The following IVD variants were observed in gnomAD, a reference collection of about 807,000 sequenced individuals.
IVD encodes isovaleryl-CoA dehydrogenase.
Under a neutral mutation model 51.3 loss-of-function variants are expected in IVD, and 31 were observed. The observed-to-expected ratio is 0.60, with a 90% CI of 0.45 to 0.81. IVD has a LOEUF of 0.81. Ranked by LOEUF, IVD falls within the 40% of genes least tolerant of loss-of-function variation. The pLI is 0.00. For synonymous variants in IVD, 205 were observed against 219.4 expected (o/e 0.93, Z 0.58); for missense variants, 475 against 552.0 (o/e 0.86, Z 1.40).
At position 40,411,680 on chromosome 15, in the gene IVD, A is replaced by C. The variant is rs1239909481; in HGVS notation, c.676A>C (p.Ile226Leu). 1 of 1,614,192 alleles carries C rather than the reference A, an allele frequency of 6.2e-7. No homozygotes were observed. Among genetic ancestry groups the C allele is most frequent in the East Asian group, 2.2e-5 (1 of 44,886 alleles). The change falls in exon 6 of 12, where the codon ATT (isoleucine) becomes CTT (leucine). Residue 226 changes from isoleucine to leucine, a missense_variant. Coordinates refer to ENST00000487418, the MANE Select transcript of IVD (RefSeq NM_002225.5). ...VPASRGITAF[I>L]VEKGMPGFST... ...AGCTTCTCGGGGCATCACAGCCTTCATTGTGGAGAAGGTGAGTATAGGTGG... is the reference window on the plus strand; with the variant it reads ...AGCTTCTCGGGGCATCACAGCCTTCCTTGTGGAGAAGGTGAGTATAGGTGG...
In IVD at chr15:40,418,327, C is replaced by T. The variant is rs538799297; in HGVS notation, c.*64C>T. Reference sequence around the variant, plus strand: ...CCTTTCTTGGGAAGTAGAGATGTGGCGGCTTTCCCACCCTGCCCACAGCAG... The same window carrying T: ...CCTTTCTTGGGAAGTAGAGATGTGGTGGCTTTCCCACCCTGCCCACAGCAG... On this transcript the variant is annotated 3_prime_UTR_variant, in exon 12 of 12. Coordinates refer to ENST00000487418, the MANE Select transcript of IVD (RefSeq NM_002225.5). The T allele has an allele frequency of 2.4e-5, 39 of 1,607,954 alleles. No homozygotes were observed. In the East Asian group the frequency reaches 3.4e-4, roughly 14 times the overall value.
chr15:40,418,423 C>G lies in IVD; in HGVS notation c.*160C>G. On this transcript the variant is annotated 3_prime_UTR_variant, in exon 12 of 12. Transcript: ENST00000487418. ...AGGTTGAGTTCTCCACAACAGCTCC[C>G]AAGCATCATGGGCCTCGCAGCCGGG... The G allele has an allele frequency of 6.5e-7, 1 of 1,542,956 alleles. No homozygotes were observed.
At position 40,415,375 on chromosome 15, in the gene IVD, C is replaced by T. The variant is rs572691367; in HGVS notation, c.879-26C>T. ...CCCGGTGGTGGGATGAGGAGGTGCC[C>T]ACGGGGCCTTTCTCCTTTCTGACAG... On this transcript the variant is annotated intron_variant, in intron 8 of 11. Coordinates refer to ENST00000487418, the MANE Select transcript of IVD (RefSeq NM_002225.5). The T allele has an allele frequency of 2.5e-6, 4 of 1,601,056 alleles. No individual in the cohort carries two copies. The African/African-American group carries it at 5.4e-5, about 21-fold the overall frequency.
Position 40,420,591 on chromosome 15 carries a change from G to C in IVD, c.*2328G>C, listed in dbSNP as rs921079375. ...ACAGGAAGGTAAAATCAGCCCTTAG[G>C]AGAGAGGTCTCAGCCTCCCTTTCCC... On this transcript the variant is annotated 3_prime_UTR_variant, in exon 12 of 12. Transcript: ENST00000487418. 3.5e-5 allele frequency: 35 copies of C among 987,442 alleles called. No homozygotes were observed. In the African/African-American group the frequency reaches 6.1e-4, roughly 17 times the overall value. The allele number at this position is 987,442 out of a possible 1,614,324, so 61.2% of individuals were successfully genotyped here. A position where few individuals can be genotyped will look rare whatever the true frequency, so the allele number is the denominator to read the frequency against.
At chr15:40,411,395 A>G (rs767644358) in intron 5 of IVD, 42 bp downstream of exon 5, 7 of 1,607,888 alleles carry the variant, frequency 4.4e-6, no homozygotes, top group Non-Finnish European at 6.0e-6. Context: ...GGGCAGAGGT[A>G]CAGACATTAT....
intron 1 of IVD, among the ~76,000 whole-genome samples, chr15:40,406,864 CTTT>C (rs920097308): frequency 5.0e-5 from 7 of 138,758 alleles, no homozygotes; most frequent in Non-Finnish European, 1.6e-5. Flanking sequence ...TTTCTTTTTT[CTTT>C]TTTTTTTTTT....
chr15:40,414,333 C>T (rs1411752413), intron 7 of IVD: 1 of 166,732 alleles, frequency 6.0e-6, no homozygotes, highest in African/African-American at 2.4e-5. Context: ...AAAGGCAGGT[C>T]AGTAGTGTCA....
In IVD at chr15:40,415,426, A is replaced by G. The variant is rs1382873258; in HGVS notation, c.904A>G (p.Thr302Ala). Residue 302 changes from threonine (T) to alanine (A), a missense_variant, in exon 9 of 12, where the codon ACC becomes GCC. Coordinates refer to ENST00000487418, the MANE Select transcript of IVD (RefSeq NM_002225.5). ...LGLMQAVLDH[T>A]IPYLHVREAF... is the part of the protein sequence containing the mutation. ...GCTCATGCAAGCGGTCCTGGACCAC[A>G]CCATTCCCTACCTGCACGTGAGGGA... 1 of 1,614,146 alleles carries G rather than the reference A, an allele frequency of 6.2e-7. No individual in the cohort carries two copies.
chr15:40,418,038 C>T, intron 11 of IVD, 92 bp from the exon 12 acceptor site: 3 of 1,568,804 alleles, frequency 1.9e-6, no homozygotes, highest in South Asian at 1.1e-5. Context: ...ACCCTCTCCT[C>T]CTGTGGCCTG....
At position 40,418,596 on chromosome 15, in the gene IVD, C is replaced by T. The variant is rs1230555076; in HGVS notation, c.*333C>T. 9.3e-5 allele frequency: 85 copies of T among 915,864 alleles called. No homozygotes were observed. The highest frequency in any genetic ancestry group is 6.3e-5 in the Non-Finnish European group (45 of 719,800). The allele number at this position is 915,864 out of a possible 1,614,324, so 56.7% of individuals were successfully genotyped here. The stretch of plus-strand genomic sequence containing the variant: ...CCCAGGGTAGGCACCTGGGGGCATG[C>T]AGGTGCCCACCTCCCAGGGTAGGCA... On this transcript the variant is annotated 3_prime_UTR_variant, in exon 12 of 12. Transcript: ENST00000487418.
At chr15:40,424,049 A>C (rs1021209757), downstream of IVD, 1 of 801,076 alleles carries the variant, frequency 1.2e-6, no homozygotes, top group East Asian at 9.3e-5. Context: ...CTCACCCACC[A>C]CCCAGCCACT....
At chr15:40,410,928 AG>A (rs1017540297) in intron 4 of IVD, 131 bp downstream of exon 4, 2 of 1,128,222 alleles carry the variant, frequency 1.8e-6, no homozygotes, top group Non-Finnish European at 2.6e-6. Flanking sequence ...GTGGTTAGGA[AG>A]GGGCCATGGA....
Position 40,405,867 on chromosome 15 carries a change from A to C in IVD, c.40A>C (p.Ser14Arg). 7 of 1,613,108 alleles carry C rather than the reference A, an allele frequency of 4.3e-6. No homozygotes were observed. Among genetic ancestry groups the C allele is most frequent in the South Asian group, 1.1e-5 (1 of 91,044 alleles). The change falls in exon 1 of 12, where the codon AGC becomes CGC. Residue 14 changes from serine to arginine, a missense_variant. Transcript: ENST00000487418. The stretch of plus-strand genomic sequence containing the variant: ...TCGGCTGCTGGGGTGGCGTGTGGCG[A>C]GCTGGAGGCTGCGGCCGCCGCTTGC... ...ATRLLGWRVA[S>R]WRLRPPLAGF...
chr15:40,418,548 C>A lies in IVD; in HGVS notation c.*285C>A. On this transcript the variant is annotated 3_prime_UTR_variant, in exon 12 of 12. Transcript: ENST00000487418. ...AGGTTTTGGTGACTCTGTGCCCTTG[C>A]TCTCTAACTTCTGAGCCCACCTCCC... 8.1e-7 allele frequency: 1 copy of A among 1,237,420 alleles called. No individual in the cohort carries two copies. 76.7% of individuals were successfully genotyped at this position (1,237,420 alleles called of 1,614,324 possible). A position where few individuals can be genotyped will look rare whatever the true frequency, so the allele number is the denominator to read the frequency against.
chr15:40,432,469 T>C (rs571237492), intron 7 of IVD, among the ~76,000 whole-genome samples: 1 of 152,310 alleles, frequency 6.6e-6, no homozygotes, highest in African/African-American at 2.4e-5. Context: ...GTTAACACCA[T>C]ACTTGTGGCC....
At chr15:40,407,531 A>G in intron 1 of IVD, 105 bp from the exon 2 acceptor site, 1 of 838,762 alleles carries the variant, frequency 1.2e-6, no homozygotes. Context: ...TCTCAGTTTC[A>G]GTCTGATGCT....
At position 40,407,923 on chromosome 15, in the gene IVD, T is replaced by C. The variant is rs999548440; in HGVS notation, c.235-16T>C. On this transcript the variant is annotated splice_polypyrimidine_tract_variant and intron_variant, in intron 2 of 11. Coordinates refer to ENST00000487418, the MANE Select transcript of IVD (RefSeq NM_002225.5). ...CCCCTCAACACTTATTCCACTCTGC[T>C]CCATTCTGTTGGCAGGAATTTTGGA... 3.7e-6 allele frequency: 6 copies of C among 1,613,704 alleles called. No homozygotes were observed. The African/African-American group carries it at 4.0e-5, about 11-fold the overall frequency.
In IVD at chr15:40,411,664, G is replaced by C; in HGVS notation, c.660G>C (p.Arg220=). The change falls in exon 6 of 12, where the codon CGG becomes CGC. Residue 220 remains arginine (R), a synonymous_variant. Transcript: ENST00000487418. The stretch of plus-strand genomic sequence containing the variant: ...ATCTGGCTGCTGTGCCAGCTTCTCG[G>C]GGCATCACAGCCTTCATTGTGGAGA... ...KTDLAAVPAS[R]GITAFIVEKG... The C allele has an allele frequency of 1.2e-6, 2 of 1,614,216 alleles. No homozygotes were observed. Among genetic ancestry groups the C allele is most frequent in the Non-Finnish European group, 1.7e-6 (2 of 1,180,044 alleles).
In IVD at chr15:40,418,407, T is replaced by C; in HGVS notation, c.*144T>C. 4 of 1,564,520 alleles carry C rather than the reference T, an allele frequency of 2.6e-6. No homozygotes were observed. The highest frequency in any genetic ancestry group is 3.4e-6 in the Non-Finnish European group (4 of 1,161,338). ...CTCTGGCCTCTGGATGAGGTTGAGT[T>C]CTCCACAACAGCTCCCAAGCATCAT... On this transcript the variant is annotated 3_prime_UTR_variant, in exon 12 of 12. Transcript: ENST00000487418.
Sources: allele counts gnomAD v4.1 joint callset (sites outside exome capture counted in the v4.1 genomes callset), GRCh38; gene constraint gnomAD v4.1.1; transcripts MANE v1.5; gene names NCBI Gene and HGNC (gene_info 2026-07-23, HGNC 2026-07-21).